Variants in LAMTOR5 observed in about 807,000 individuals in gnomAD.
LAMTOR5 encodes ragulator complex protein LAMTOR5.
In LAMTOR5, 8 loss-of-function variants were observed where a neutral mutation model predicts 12.1. The observed-to-expected ratio is 0.66, with a 90% CI of 0.39 to 1.19. The LOEUF (loss-of-function observed/expected upper bound fraction) is 1.19, where lower values mean the gene tolerates loss of function less well. Among genes scored for constraint, LAMTOR5 ranks in the 50% most tolerant of loss-of-function variants. LAMTOR5 has a pLI of 0.01. For synonymous variants in LAMTOR5, 37 were observed against 41.9 expected, an observed-to-expected ratio of 0.88 and a Z score of 0.45; for missense variants, 110 against 112.8, an observed-to-expected ratio of 0.97 and a Z score of 0.11.
At chr1:110,406,485 A>G (rs985355956) in intron 1 of LAMTOR5, 106 bp from the exon 2 acceptor site, 4 of 699,362 alleles carry the variant, frequency 5.7e-6, no homozygotes, top group Admixed American at 5.9e-5. Context: ...AGTGCTTTAA[A>G]TCAATATTTC....
chr1:110,406,566 T>C (rs994600027), intron 1 of LAMTOR5, 187 bp from the exon 2 acceptor site: 1 of 416,116 alleles, frequency 2.4e-6, no homozygotes, highest in Non-Finnish European at 4.3e-6. Context: ...TGCTCACGCC[T>C]GTAATCCCAG....
At position 110,406,349 on chromosome 1, in the gene LAMTOR5, C is replaced by T. The variant is rs1663328197; in HGVS notation, c.66G>A (p.Leu22=). ...TMKNPSIVGV[L]CTDSQGLNLG... ...GATTAAGTCCTTGTGAATCTGTGCACAGGACTCCAACAATGGAGGGATTCT... is the reference window on the plus strand; with the variant it reads ...GATTAAGTCCTTGTGAATCTGTGCATAGGACTCCAACAATGGAGGGATTCT... The change falls in exon 2 of 4, where the codon CTG becomes CTA. Residue 22 remains leucine, a synonymous_variant. Coordinates refer to ENST00000602318, the MANE Select transcript of LAMTOR5 (RefSeq NM_001382293.1). 6.2e-7 allele frequency: 1 copy of T among 1,610,192 alleles called. No homozygotes were observed.
Position 110,407,668 on chromosome 1 carries a change from C to T in LAMTOR5, c.-48G>A. 1 of 1,614,216 alleles carries T rather than the reference C, an allele frequency of 6.2e-7. No homozygotes were observed. Among genetic ancestry groups the T allele is most frequent in the Non-Finnish European group, 8.5e-7 (1 of 1,180,030 alleles). On this transcript the variant is annotated 5_prime_UTR_variant, in exon 1 of 4. Transcript: ENST00000602318. ...TCAGAACCCAGCGGCACGGCACGTC[C>T]TTCTCCACCACAGGCCTCAGTCACT... is the stretch of plus-strand genomic sequence containing the variant.
At position 110,402,797 on chromosome 1, in the gene LAMTOR5, CAA is replaced by C. The variant is rs1337313670; in HGVS notation, c.215+1120_215+1121del. On this transcript the variant is annotated intron_variant, in intron 3 of 3. Transcript: ENST00000602318. ...ATGTGTGTTTCTTCTTTGCTTTTAA[CAA>C]AAAAGTCTAAAAAGTAAAAAAGTTT... Among the ~76,000 whole-genome samples the C allele has an allele frequency of 2.0e-5, 3 of 151,936 alleles. No individual in the cohort carries two copies. The East Asian group carries it at 5.8e-4, about 29-fold the overall frequency.
intron 1 of LAMTOR5, 27 bp downstream of exon 1, chr1:110,407,559 C>G (rs1263066042): frequency 6.2e-7 from 1 of 1,607,718 alleles, no homozygotes; most frequent in African/African-American, 1.3e-5. Context: ...GACCTCAGGA[C>G]AGGCCGAAGA....
Position 110,401,394 on chromosome 1 carries a change from TA to T in LAMTOR5, c.*128del. The T allele has an allele frequency of 1.1e-6, 1 of 904,026 alleles. No homozygotes were observed. The highest frequency in any genetic ancestry group is 1.6e-6 in the Non-Finnish European group (1 of 607,386). 56.0% of individuals were successfully genotyped at this position (904,026 alleles called of 1,614,324 possible). On this transcript the variant is annotated 3_prime_UTR_variant, in exon 4 of 4. Transcript: ENST00000602318. ...CATTAGAAAGCAATTGACTCTTAAA[TA>T]AACAGAAAAGTGCCTAATGCACATT...
upstream of LAMTOR5, chr1:110,407,743 T>A: frequency 5.6e-6 from 9 of 1,614,112 alleles, no homozygotes; most frequent in Non-Finnish European, 7.6e-6. Context: ...GGGACAAAAT[T>A]GATCACGGTG....
intron 3 of LAMTOR5, among the ~76,000 whole-genome samples, chr1:110,401,789 A>G (rs890270893): frequency 1.3e-5 from 2 of 152,202 alleles, no homozygotes; most frequent in Admixed American, 6.5e-5. Flanking sequence ...ATCCTACTAC[A>G]CACAGACAAC....
intron 1 of LAMTOR5, 36 bp downstream of exon 1, chr1:110,407,550 A>T (rs951992582): frequency 1.3e-6 from 2 of 1,596,196 alleles, no homozygotes; most frequent in Non-Finnish European, 1.7e-6. Context: ...CTCCGCCGCG[A>T]CCTCAGGACA....
chr1:110,407,538 T>G (rs1349197154), intron 1 of LAMTOR5, 48 bp downstream of exon 1: 1 of 1,590,530 alleles, frequency 6.3e-7, no homozygotes, highest in Non-Finnish European at 8.6e-7. Flanking sequence ...CCGCTCAAGT[T>G]CCTCCGCCGC....
At chr1:110,404,711 C>T (rs1663292577) in intron 2 of LAMTOR5, among the ~76,000 whole-genome samples, 1 of 152,144 alleles carries the variant, frequency 6.6e-6, no homozygotes, top group Non-Finnish European at 1.5e-5. Flanking sequence ...AGTATTATGT[C>T]TCAGTTCTAT....
In LAMTOR5 at chr1:110,407,432, C is replaced by T. The variant is rs1409387461; in HGVS notation, c.35+154G>A. ...CCGGGTCACCCGCCCCGCCCTGCGGCCTTGGGTAGAGTTTAGCCCCCTCAT... is the reference window on the plus strand; with the variant it reads ...CCGGGTCACCCGCCCCGCCCTGCGGTCTTGGGTAGAGTTTAGCCCCCTCAT... On this transcript the variant is annotated intron_variant, in intron 1 of 3. Transcript: ENST00000602318. 1.2e-5 allele frequency: 11 copies of T among 953,334 alleles called. No individual in the cohort carries two copies. In the African/African-American group the frequency reaches 1.5e-4, roughly 13 times the overall value. 59.1% of individuals were successfully genotyped at this position (953,334 alleles called of 1,614,324 possible).
rs1415729274 is a variant in LAMTOR5, at chr1:110,401,407, G to A, written c.*116C>T. The A allele has an allele frequency of 2.8e-6, 3 of 1,063,552 alleles. No homozygotes were observed. The highest frequency in any genetic ancestry group is 4.1e-6 in the Non-Finnish European group (3 of 729,760). 65.9% of individuals were successfully genotyped at this position (1,063,552 alleles called of 1,614,324 possible). On this transcript the variant is annotated 3_prime_UTR_variant, in exon 4 of 4. Coordinates refer to ENST00000602318, the MANE Select transcript of LAMTOR5 (RefSeq NM_001382293.1). ...TTGACTCTTAAATAAACAGAAAAGTGCCTAATGCACATTAAATGAATGGCC... is the reference window on the plus strand; with the variant it reads ...TTGACTCTTAAATAAACAGAAAAGTACCTAATGCACATTAAATGAATGGCC...
chr1:110,407,343 C>T, intron 1 of LAMTOR5: 1 of 604,064 alleles, frequency 1.7e-6, no homozygotes, highest in Non-Finnish European at 2.9e-6. Context: ...CAGTTTTGGC[C>T]CGTGGCCTGG....
At position 110,403,914 on chromosome 1, in the gene LAMTOR5, C is replaced by T. The variant is rs763944185; in HGVS notation, c.215+5G>A. On this transcript the variant is annotated splice_donor_5th_base_variant and intron_variant, in intron 3 of 3. Coordinates refer to ENST00000602318, the MANE Select transcript of LAMTOR5 (RefSeq NM_001382293.1). ...AAAGGAAAGGATCTGCTGAAATCTA[C>T]TCACCCATTATCTGATTCTAGACAC... 1 of 1,611,384 alleles carries T rather than the reference C, an allele frequency of 6.2e-7. No homozygotes were observed.
chr1:110,406,019 T>A (rs1663321908), intron 2 of LAMTOR5, among the ~76,000 whole-genome samples: 1 of 152,226 alleles, frequency 6.6e-6, no homozygotes. Flanking sequence ...AATAAATGGT[T>A]AACAGCTGTT....
upstream of LAMTOR5, chr1:110,407,699 C>T (rs770210810): frequency 1.7e-5 from 28 of 1,614,082 alleles, no homozygotes; most frequent in African/African-American, 2.3e-4. Context: ...TCACTTGACG[C>T]GAGCGGGGCG....
intron 3 of LAMTOR5, among the ~76,000 whole-genome samples, chr1:110,402,384 A>G (rs1269542457): frequency 1.3e-5 from 2 of 151,790 alleles, no homozygotes; most frequent in African/African-American, 4.8e-5. Context: ...CTGAGTAGCT[A>G]GGATTACAGG....
At chr1:110,406,468 G>T in intron 1 of LAMTOR5, 89 bp from the exon 2 acceptor site, 2 of 796,428 alleles carry the variant, frequency 2.5e-6, no homozygotes, top group Non-Finnish European at 4.1e-6. Context: ...CTATGTACCA[G>T]GCATTAAGTG....
Sources: allele counts gnomAD v4.1 joint callset (sites outside exome capture counted in the v4.1 genomes callset), GRCh38; gene constraint gnomAD v4.1.1; transcripts MANE v1.5; gene names NCBI Gene and HGNC (gene_info 2026-07-23, HGNC 2026-07-21).